Variants in RTN4 observed in about 807,000 individuals in gnomAD.
RTN4 encodes the protein reticulon 4, also known as reticulon-4.
A neutral mutation model predicts 90.4 loss-of-function variants in RTN4; 32 were observed. The observed-to-expected ratio is 0.35, with a 90% confidence interval of 0.27 to 0.48. RTN4 has a LOEUF of 0.48. Among genes scored for constraint, RTN4 ranks in the 20% least tolerant of loss-of-function variants. RTN4 has a pLI of 0.99. For missense variants in RTN4, 1,706 were observed against 1,430.2 expected (o/e 1.19, Z -3.11); for synonymous variants, 629 against 552.5 (o/e 1.14, Z -1.94).
intron 2 of RTN4, among the ~76,000 whole-genome samples, chr2:55,063,710 G>A (rs1031432816): frequency 6.6e-6 from 1 of 151,704 alleles, no homozygotes; most frequent in South Asian, 2.1e-4. Flanking sequence ...GTAAAACCCC[G>A]TCTCCACTGA....
chr2:55,040,983 A>T (rs1370456055), intron 1 of RTN4, among the ~76,000 whole-genome samples: 1 of 132,334 alleles, frequency 7.6e-6, no homozygotes, highest in African/African-American at 3.0e-5. Flanking sequence ...AGGGCCACCT[A>T]TGTAAAGAGA....
intron 2 of RTN4, among the ~76,000 whole-genome samples, chr2:55,075,244 T>G (rs1186161144): frequency 6.6e-6 from 1 of 152,060 alleles, no homozygotes; most frequent in African/African-American, 2.4e-5. Flanking sequence ...GATACAAAAT[T>G]AACATACACA....
chr2:54,994,724 G>C (rs955184717), intron 3 of RTN4, among the ~76,000 whole-genome samples: 2 of 152,064 alleles, frequency 1.3e-5, no homozygotes, highest in African/African-American at 4.8e-5. Flanking sequence ...AACTGGCCAA[G>C]AAAAAGACAT....
At chr2:54,973,350 C>T in intron 8 of RTN4, 152 bp from the exon 9 acceptor site, 1 of 841,088 alleles carries the variant, frequency 1.2e-6, no homozygotes, top group East Asian at 2.7e-5. Flanking sequence ...CCACCTTGGC[C>T]TCATGAATTA....
intron 5 of RTN4, among the ~76,000 whole-genome samples, chr2:54,982,304 T>G (rs187410536): frequency 6.6e-6 from 1 of 152,152 alleles, no homozygotes; most frequent in African/African-American, 2.4e-5. Context: ...AATACAGGAC[T>G]CTCTGTATTA....
chr2:54,974,866 A>G (rs932432270), intron 5 of RTN4, 102 bp from the exon 6 acceptor site: 2 of 893,276 alleles, frequency 2.2e-6, no homozygotes, highest in African/African-American at 3.3e-5. Context: ...TACAAAAGGC[A>G]TACAACTTGA....
In RTN4 at chr2:55,068,152, A is replaced by G. The variant is rs573167915; in HGVS notation, c.-63+12337T>C. 3.4e-3 allele frequency among the ~76,000 whole-genome samples: 514 copies of G among 152,338 alleles called. No homozygotes were observed. The Middle Eastern group carries it at 0.041, about 12-fold the overall frequency. On this transcript the variant is annotated intron_variant, in intron 2 of 3. Coordinates refer to the RTN4 transcript ENST00000427710. Reference sequence around the variant, plus strand: ...ATTTTTTAAGATGATTGTGGATATTACTATTTGGTACCATATCAAAACTCA... The same window carrying G: ...ATTTTTTAAGATGATTGTGGATATTGCTATTTGGTACCATATCAAAACTCA...
rs565486428 is a variant in RTN4 at position 55,099,703 on chromosome 2, C to G, written c.-214+12817G>C. On this transcript the variant is annotated intron_variant, in intron 1 of 3. Transcript: ENST00000427710. Reference sequence around the variant, plus strand: ...GACTGTCTGGGTTTGAATCACCACTCTGCCACATATTATGTATGTGACACG... The same window carrying G: ...GACTGTCTGGGTTTGAATCACCACTGTGCCACATATTATGTATGTGACACG... Among the ~76,000 whole-genome samples, 224 of 152,194 alleles carry G rather than the reference C, an allele frequency of 1.5e-3. 1 individual carries two copies. The Middle Eastern group carries it at 0.041, about 28-fold the overall frequency.
chr2:55,129,159 T>C, the RTN4 span, among the ~76,000 whole-genome samples: 1 of 147,150 alleles, frequency 6.8e-6, no homozygotes, highest in African/African-American at 2.5e-5. Context: ...GCAAAGGATA[T>C]AAAGAGGCAA....
At chr2:55,009,945 G>C (rs1680510836) in intron 3 of RTN4, 4 of 852,342 alleles carry the variant, frequency 4.7e-6, no homozygotes, top group Non-Finnish European at 1.8e-6. Context: ...AAACACGTGA[G>C]ATAGCCGTTT....
At chr2:55,063,831 A>G (rs1282900956) in intron 2 of RTN4, among the ~76,000 whole-genome samples, 1 of 151,886 alleles carries the variant, frequency 6.6e-6, no homozygotes, top group Non-Finnish European at 1.5e-5. Context: ...CAGTGAGCGG[A>G]GACTGGGCAC....
rs1681991532 is a variant in RTN4, at chr2:55,027,463, C to T, written c.636G>A (p.Gln212=). 1.2e-6 allele frequency: 2 copies of T among 1,608,904 alleles called. No individual in the cohort carries two copies. Among genetic ancestry groups the T allele is most frequent in the Non-Finnish European group, 1.7e-6 (2 of 1,177,650 alleles). ...GACCAGCCGAAATAGTGTTACCTGG[C>T]TGCTCCTTCAAGTCCATATTTTCTG... The part of the protein sequence containing the change: ...SSAENMDLKE[Q]PGNTISAGQE... The change falls in exon 3 of 9, where the codon CAG becomes CAA. Residue 212 remains glutamine (Q), a synonymous_variant. Coordinates refer to ENST00000337526, the MANE Select transcript of RTN4 (RefSeq NM_020532.5).
intron 1 of RTN4, among the ~76,000 whole-genome samples, chr2:55,101,831 A>G (rs1318228539): frequency 6.6e-6 from 1 of 152,150 alleles, no homozygotes; most frequent in Non-Finnish European, 1.5e-5. Context: ...ATTTTTCACT[A>G]CATAAGAGCT....
At chr2:55,030,102 G>C (rs536916788) in intron 1 of RTN4, among the ~76,000 whole-genome samples, 1 of 152,186 alleles carries the variant, frequency 6.6e-6, no homozygotes, top group African/African-American at 2.4e-5. Context: ...TAATTCAGAG[G>C]CTAGTCTATC....
At chr2:55,052,458 A>G (rs1668113270), upstream of RTN4, among the ~76,000 whole-genome samples, 1 of 152,226 alleles carries the variant, frequency 6.6e-6, no homozygotes, top group Non-Finnish European at 1.5e-5. Context: ...GTTAATTATC[A>G]ACAATATATT....
intron 1 of RTN4, among the ~76,000 whole-genome samples, chr2:55,110,899 G>A (rs1357618878): frequency 6.6e-6 from 1 of 152,124 alleles, no homozygotes; most frequent in African/African-American, 2.4e-5. Flanking sequence ...AAATTAGCTG[G>A]GCGTGGTGGC....
intron 1 of RTN4, among the ~76,000 whole-genome samples, chr2:55,043,238 C>A (rs1047130438): frequency 3.3e-5 from 5 of 152,178 alleles, no homozygotes; most frequent in Non-Finnish European, 7.3e-5. Flanking sequence ...TCAGAAGAAC[C>A]TGATCCCTTT....
chr2:54,983,177 T>C (rs1406993914), intron 4 of RTN4, among the ~76,000 whole-genome samples: 1 of 151,948 alleles, frequency 6.6e-6, no homozygotes, highest in African/African-American at 2.4e-5. Context: ...TAGGGGAAAT[T>C]GTTCAATATG....
At position 55,073,940 on chromosome 2, in the gene RTN4, C is replaced by T. The variant is rs114672271; in HGVS notation, c.-63+6549G>A. Reference sequence around the variant, plus strand: ...ACAGCACCACCCTCCCTCAGGACCACCTGCCCCAGTTTCGTTGCAAGGTGG... The same window carrying T: ...ACAGCACCACCCTCCCTCAGGACCATCTGCCCCAGTTTCGTTGCAAGGTGG... On this transcript the variant is annotated intron_variant, in intron 2 of 3. Coordinates refer to the RTN4 transcript ENST00000427710. Among the ~76,000 whole-genome samples, 912 of 152,334 alleles carry T rather than the reference C, an allele frequency of 6.0e-3. 9 individuals are homozygous for T. The highest frequency in any genetic ancestry group is 0.02 in the African/African-American group (851 of 41,572).
Sources: allele counts gnomAD v4.1 joint callset (sites outside exome capture counted in the v4.1 genomes callset), GRCh38; gene constraint gnomAD v4.1.1; transcripts MANE v1.5; gene names NCBI Gene and HGNC (gene_info 2026-07-23, HGNC 2026-07-21).